The following PDCD6IP variants were observed in gnomAD, a reference collection of about 807,000 sequenced individuals.
The protein encoded by PDCD6IP is programmed cell death 6-interacting protein.
PDCD6IP carries 43 observed loss-of-function variants against 103.7 expected under a neutral mutation model. That is an observed-to-expected ratio of 0.41 (90% confidence interval 0.32 to 0.53). The LOEUF is 0.53. Among genes scored for constraint, PDCD6IP ranks in the 20% least tolerant of loss-of-function variants. PDCD6IP has a pLI of 0.16. For missense variants in PDCD6IP, 871 were observed against 1,036.7 expected (o/e 0.84, Z 2.20); for synonymous variants, 354 against 378.7 (o/e 0.93, Z 0.76).
Position 33,865,243 on chromosome 3 carries a change from C to A in PDCD6IP, c.2245C>A (p.Pro749Thr). Reference sequence around the variant, plus strand: ...AGTCAATGCTGACTTTTTCTTATAGCCTACTAAGCCCCAGCCCCCAGCCAG... The same window carrying A: ...AGTCAATGCTGACTTTTTCTTATAGACTACTAAGCCCCAGCCCCCAGCCAG... ...PPTPAPRTMP[P>T]TKPQPPARPP... The change falls in exon 17 of 18, where the codon CCT becomes ACT. Residue 749 changes from proline to threonine, a missense_variant and splice_region_variant. Coordinates refer to ENST00000307296, the MANE Select transcript of PDCD6IP (RefSeq NM_013374.6). The A allele has an allele frequency of 6.6e-7, 1 of 1,515,370 alleles. No homozygotes were observed. The highest frequency in any genetic ancestry group is 8.8e-7 in the Non-Finnish European group (1 of 1,141,702). 93.9% of individuals were successfully genotyped at this position (1,515,370 alleles called of 1,614,324 possible). A position where few individuals can be genotyped will look rare whatever the true frequency, so the allele number is the denominator to read the frequency against.
At chr3:33,814,396 A>G (rs1696787362) in intron 3 of PDCD6IP, among the ~76,000 whole-genome samples, 1 of 151,834 alleles carries the variant, frequency 6.6e-6, no homozygotes, top group South Asian at 2.1e-4. Flanking sequence ...CGGCCTCCCA[A>G]AGTGCTGGGA....
intron 3 of PDCD6IP, among the ~76,000 whole-genome samples, chr3:33,819,607 G>A (rs1387916790): frequency 1.3e-5 from 2 of 152,122 alleles, no homozygotes; most frequent in Admixed American, 6.5e-5. Context: ...TTACCTAGGA[G>A]GCCACCAAAG....
At chr3:33,799,047 C>A (rs1696404813) in intron 1 of PDCD6IP, 110 bp downstream of exon 1, 2 of 1,049,736 alleles carry the variant, frequency 1.9e-6, no homozygotes, top group Admixed American at 5.7e-5. Flanking sequence ...GCCGCCCCGT[C>A]CCGGCCTGAC....
In PDCD6IP at chr3:33,864,098, C is replaced by A; in HGVS notation, c.2213C>A (p.Thr738Asn). Residue 738 changes from threonine (T) to asparagine (N), a missense_variant, in exon 16 of 18, where the codon ACT becomes AAT. Around this residue, in one of 5 missense-constraint regions of PDCD6IP, gnomAD observed 202 missense variants for 205.2 expected, o/e 0.98. Coordinates refer to ENST00000307296, the MANE Select transcript of PDCD6IP (RefSeq NM_013374.6). ...TCACCAGCAGGAGGACATGCACCAACTCCTCCAACTCCAGCGCCAAGAACC... is the reference window on the plus strand; with the variant it reads ...TCACCAGCAGGAGGACATGCACCAAATCCTCCAACTCCAGCGCCAAGAACC... ...QSSPAGGHAP[T>N]PPTPAPRTMP... The A allele has an allele frequency of 6.2e-7, 1 of 1,610,316 alleles. No homozygotes were observed. The highest frequency in any genetic ancestry group is 8.5e-7 in the Non-Finnish European group (1 of 1,176,604).
intron 2 of PDCD6IP, among the ~76,000 whole-genome samples, chr3:33,812,842 A>T (rs1696749803): frequency 6.6e-6 from 1 of 152,168 alleles, no homozygotes; most frequent in Non-Finnish European, 1.5e-5. Context: ...AAAGCTGCTG[A>T]TGGATGTACT....
At position 33,823,599 on chromosome 3, in the gene PDCD6IP, T is replaced by C. The variant is rs867350154; in HGVS notation, c.462+1517T>C. Among the ~76,000 whole-genome samples the C allele has an allele frequency of 7.9e-5, 12 of 152,208 alleles. No individual in the cohort carries two copies. The South Asian group carries it at 1.7e-3, about 21-fold the overall frequency. ...GAGTTCCAGACCAGCCTGGCCAACA[T>C]GGTGAAACCCTGTCTGTACTAAAAA... On this transcript the variant is annotated intron_variant, in intron 4 of 17. Coordinates refer to ENST00000307296, the MANE Select transcript of PDCD6IP (RefSeq NM_013374.6).
At chr3:33,845,978 C>T (rs576934533) in intron 12 of PDCD6IP, among the ~76,000 whole-genome samples, 3 of 152,230 alleles carry the variant, frequency 2.0e-5, no homozygotes, top group South Asian at 2.1e-4. Flanking sequence ...CTTGTTTCAC[C>T]GGAACTACCT....
Position 33,821,961 on chromosome 3 carries a change from C to A in PDCD6IP, c.341C>A (p.Ala114Glu), listed in dbSNP as rs1424000908. Residue 114 changes from alanine to glutamate, a missense_variant, in exon 4 of 18, where the codon GCA becomes GAA. By Grantham distance (107) the Ala-to-Glu change is moderately radical. Around this residue, in one of 5 missense-constraint regions of PDCD6IP, gnomAD observed 47 missense variants for 83.7 expected, o/e 0.56. Transcript: ENST00000307296. ...LFGGSVKLAL[A>E]SLGYEKSCVL... ...CCTTCTCAATTTTTTACAGCTCTTG[C>A]AAGCTTAGGATATGAAAAGAGCTGT... 1.4e-5 allele frequency: 22 copies of A among 1,604,800 alleles called. No individual in the cohort carries two copies. Among genetic ancestry groups the A allele is most frequent in the Non-Finnish European group, 1.8e-5 (21 of 1,177,494 alleles).
At chr3:33,827,694 G>A (rs1291298781) in intron 6 of PDCD6IP, 2 of 152,136 alleles carry the variant, frequency 1.3e-5, no homozygotes, top group Non-Finnish European at 2.9e-5. Flanking sequence ...ATGGAGAGAA[G>A]AAAGTCACCT....
intron 2 of PDCD6IP, among the ~76,000 whole-genome samples, chr3:33,812,628 T>C (rs747914617): frequency 1.3e-5 from 2 of 152,220 alleles, no homozygotes; most frequent in African/African-American, 4.8e-5. Context: ...ATTTTGGAGA[T>C]TGGATAAAGA....
At chr3:33,857,007 C>T (rs575026407) in intron 15 of PDCD6IP, among the ~76,000 whole-genome samples, 11 of 152,130 alleles carry the variant, frequency 7.2e-5, no homozygotes, top group Admixed American at 7.2e-4. Flanking sequence ...TGTTCATATT[C>T]ATGAACAGAG....
At chr3:33,856,854 A>G (rs1697840690) in intron 15 of PDCD6IP, among the ~76,000 whole-genome samples, 1 of 152,220 alleles carries the variant, frequency 6.6e-6, no homozygotes, top group South Asian at 2.1e-4. Flanking sequence ...TATATCATAT[A>G]GTAAATACAT....
intron 1 of PDCD6IP, among the ~76,000 whole-genome samples, chr3:33,811,512 A>G (rs143612166): frequency 6.6e-6 from 1 of 152,202 alleles, no homozygotes; most frequent in Non-Finnish European, 1.5e-5. Context: ...GATGGGGGGA[A>G]GTCTGCTTTA....
intron 1 of PDCD6IP, among the ~76,000 whole-genome samples, chr3:33,801,091 C>T (rs965020604): frequency 1.1e-4 from 16 of 152,226 alleles, no homozygotes; most frequent in African/African-American, 3.9e-4. Context: ...TAAGTATTTT[C>T]ACTTTTTGGG....
chr3:33,857,601 C>A (rs1307952280), intron 15 of PDCD6IP, among the ~76,000 whole-genome samples: 1 of 151,976 alleles, frequency 6.6e-6, no homozygotes, highest in South Asian at 2.1e-4. Flanking sequence ...GTCACCAGGA[C>A]GTTAAAAAAT....
chr3:33,801,926 A>T (rs185637685), intron 1 of PDCD6IP, among the ~76,000 whole-genome samples: 31 of 152,266 alleles, frequency 2.0e-4, no homozygotes, highest in African/African-American at 7.5e-4. Context: ...GAGGTTGGGG[A>T]TCTTAACAAT....
rs1697739930 is a variant in PDCD6IP at position 33,852,515 on chromosome 3, T to G, written c.1669T>G (p.Ser557Ala). 6.4e-7 allele frequency: 1 copy of G among 1,573,462 alleles called. No individual in the cohort carries two copies. ...EVVNVLKSLL[S>A]NLDEVKKERE... ...TGTAAATGTCTTAAAATCCTTATTGTCAAATCTTGATGAAGTAAAGAAGGA... is the reference window on the plus strand; with the variant it reads ...TGTAAATGTCTTAAAATCCTTATTGGCAAATCTTGATGAAGTAAAGAAGGA... Residue 557 changes from serine to alanine, a missense_variant, in exon 13 of 18, where the codon TCA becomes GCA. Physicochemically the swap from Ser to Ala is moderately conservative, Grantham distance 99. Around this residue, in one of 5 missense-constraint regions of PDCD6IP, gnomAD observed 266 missense variants for 390.5 expected, o/e 0.68. Transcript: ENST00000307296.
chr3:33,856,675 A>G (rs1322654062), intron 15 of PDCD6IP, among the ~76,000 whole-genome samples: 1 of 152,196 alleles, frequency 6.6e-6, no homozygotes, highest in Non-Finnish European at 1.5e-5. Flanking sequence ...ATCAAGGCAT[A>G]TAAATTATTG....
intron 15 of PDCD6IP, among the ~76,000 whole-genome samples, chr3:33,860,170 T>G (rs1409729963): frequency 6.6e-6 from 1 of 152,232 alleles, no homozygotes; most frequent in Non-Finnish European, 1.5e-5. Flanking sequence ...AATATCGTCA[T>G]TTAAAATATT....
Sources: gnomAD v4.1 joint callset for allele counts (sites outside exome capture counted in the v4.1 genomes callset) on GRCh38, gnomAD v4.1.1 for gene constraint, gnomAD v4.1.1 regional missense constraint, MANE v1.5 for transcripts, NCBI Gene and HGNC (gene_info 2026-07-23, HGNC 2026-07-21) for gene names.